Variants in RPAP3 observed in about 807,000 individuals in gnomAD.
RPAP3 encodes the protein RNA polymerase II-associated protein 3.
In RPAP3, 58 loss-of-function variants were observed where a neutral mutation model predicts 88.8. The observed-to-expected ratio is 0.65, with a 90% CI of 0.53 to 0.81. The LOEUF (loss-of-function observed/expected upper bound fraction) is 0.81. Among genes scored for constraint, RPAP3 ranks in the 40% least tolerant of loss-of-function variants. RPAP3 has a pLI of 0.00. For synonymous variants in RPAP3, 255 were observed against 259.9 expected, an observed-to-expected ratio of 0.98 and a Z score of 0.18; for missense variants, 751 against 764.3, an observed-to-expected ratio of 0.98 and a Z score of 0.20.
chr12:47,701,732 G>A lies in RPAP3; in HGVS notation c.154-128C>T, dbSNP rs367775618. ...TTTTTAATTTTAAAGTGTTTAAAAA[G>A]ACCAATTTACCACCTTCACTTATAA... On this transcript the variant is annotated intron_variant, in intron 2 of 16. Coordinates refer to ENST00000005386, the MANE Select transcript of RPAP3 (RefSeq NM_024604.3). 5.5e-4 allele frequency: 359 copies of A among 654,616 alleles called. 2 individuals carry two copies. The African/African-American group carries it at 6.3e-3, about 12-fold the overall frequency. 40.6% of individuals were successfully genotyped at this position (654,616 alleles called of 1,614,324 possible). A position where few individuals can be genotyped will look rare whatever the true frequency, so the allele number is the denominator to read the frequency against.
At chr12:47,697,319 A>G (rs1017729946) in intron 4 of RPAP3, among the ~76,000 whole-genome samples, 1 of 152,184 alleles carries the variant, frequency 6.6e-6, no homozygotes, top group African/African-American at 2.4e-5. Context: ...CTTACTACCC[A>G]TAAGAACCCG....
intron 5 of RPAP3, among the ~76,000 whole-genome samples, chr12:47,694,381 A>G (rs1939483217): frequency 6.6e-6 from 1 of 152,234 alleles, no homozygotes. Context: ...AAACACCTAA[A>G]TGTGAAAAGT....
In RPAP3 at chr12:47,663,345, C is replaced by T. The variant is rs893975270; in HGVS notation, c.*160G>A. On this transcript the variant is annotated 3_prime_UTR_variant, in exon 17 of 17. Transcript: ENST00000005386. ...AAACAGAGTTCACTTGAATACAATTCTCACTAGTTAAATCACAATTCACCT... is the reference window on the plus strand; with the variant it reads ...AAACAGAGTTCACTTGAATACAATTTTCACTAGTTAAATCACAATTCACCT... 1 of 516,340 alleles carries T rather than the reference C, an allele frequency of 1.9e-6. No homozygotes were observed. The highest frequency in any genetic ancestry group is 2.0e-5 in the African/African-American group (1 of 50,402). The allele number at this position is 516,340 out of a possible 1,614,324, so 32.0% of individuals were successfully genotyped here. A position where few individuals can be genotyped will look rare whatever the true frequency, so the allele number is the denominator to read the frequency against.
At position 47,679,539 on chromosome 12, in the gene RPAP3, T is replaced by G. The variant is rs1052879674; in HGVS notation, c.1241A>C (p.Gln414Pro). ...DDVFLDSTQR[Q>P]NVVKPIDNPP... ...ATTATCAATGGGTTTTACCACATTTTGTCTTTGTGTGGAATCAAGAAAGAC... is the reference window on the plus strand; with the variant it reads ...ATTATCAATGGGTTTTACCACATTTGGTCTTTGTGTGGAATCAAGAAAGAC... Residue 414 changes from glutamine (Q) to proline (P), a missense_variant, in exon 12 of 17, where the codon CAA becomes CCA. Transcript: ENST00000005386. 2.5e-6 allele frequency: 4 copies of G among 1,607,002 alleles called. No homozygotes were observed. Among genetic ancestry groups the G allele is most frequent in the South Asian group, 2.2e-5 (2 of 89,318 alleles).
chr12:47,684,892 T>C (rs1939292133), intron 9 of RPAP3, among the ~76,000 whole-genome samples: 1 of 152,176 alleles, frequency 6.6e-6, no homozygotes, highest in South Asian at 2.1e-4. Context: ...ATCTATTACT[T>C]TAAATGAGGT....
intron 2 of RPAP3, among the ~76,000 whole-genome samples, chr12:47,702,224 G>T (rs905726008): frequency 2.0e-5 from 3 of 152,046 alleles, no homozygotes; most frequent in African/African-American, 7.2e-5. Context: ...TTATTACAAA[G>T]ACTTTTTGAA....
At chr12:47,680,680 A>G (rs1939205133) in intron 10 of RPAP3, among the ~76,000 whole-genome samples, 1 of 151,978 alleles carries the variant, frequency 6.6e-6, no homozygotes, top group South Asian at 2.1e-4. Flanking sequence ...CACACACAGG[A>G]GAACCAAGTT....
At chr12:47,683,307 G>T (rs1939261378) in intron 9 of RPAP3, among the ~76,000 whole-genome samples, 1 of 151,800 alleles carries the variant, frequency 6.6e-6, no homozygotes, top group South Asian at 2.1e-4. Context: ...GCAAATTTCG[G>T]GTTTCTTAAA....
Position 47,663,459 on chromosome 12 carries a change from A to G in RPAP3, c.*46T>C, listed in dbSNP as rs748420837. ...AAGCAAAACACTTTCAGTAGAAAAA[A>G]TTTACATATGAAAGTCAAAAACAAT... On this transcript the variant is annotated 3_prime_UTR_variant, in exon 17 of 17. Transcript: ENST00000005386. The G allele has an allele frequency of 7.9e-7, 1 of 1,273,598 alleles. No homozygotes were observed. Among genetic ancestry groups the G allele is most frequent in the South Asian group, 1.3e-5 (1 of 77,530 alleles). The allele number at this position is 1,273,598 out of a possible 1,614,324, so 78.9% of individuals were successfully genotyped here. A position where few individuals can be genotyped will look rare whatever the true frequency, so the allele number is the denominator to read the frequency against.
At chr12:47,691,699 T>C (rs890971798) in intron 5 of RPAP3, among the ~76,000 whole-genome samples, 5 of 152,226 alleles carry the variant, frequency 3.3e-5, no homozygotes, top group African/African-American at 7.2e-5. Flanking sequence ...ATCAGAGATC[T>C]TGGGTGAGTA....
At chr12:47,677,794 T>A (rs947045166) in intron 12 of RPAP3, among the ~76,000 whole-genome samples, 1 of 152,166 alleles carries the variant, frequency 6.6e-6, no homozygotes, top group African/African-American at 2.4e-5. Flanking sequence ...ATAGGAAGAA[T>A]CAATATTGTG....
Position 47,689,201 on chromosome 12 carries a change from TA to T in RPAP3, c.668-7del. 7.9e-7 allele frequency: 1 copy of T among 1,272,466 alleles called. No homozygotes were observed. 78.8% of individuals were successfully genotyped at this position (1,272,466 alleles called of 1,614,324 possible). ...TTCTAATACTCTTTCATAATCTAAG[TA>T]AAAGAGAAGATAAAAAAAATTTTTA... On this transcript the variant is annotated splice_region_variant and splice_polypyrimidine_tract_variant and intron_variant, in intron 6 of 16. Coordinates refer to ENST00000005386, the MANE Select transcript of RPAP3 (RefSeq NM_024604.3).
intron 12 of RPAP3, among the ~76,000 whole-genome samples, chr12:47,675,637 A>G (rs1215381246): frequency 6.6e-6 from 1 of 152,238 alleles, no homozygotes; most frequent in Non-Finnish European, 1.5e-5. Context: ...AAAGATCAAA[A>G]GAGACAAAGA....
At position 47,667,062 on chromosome 12, in the gene RPAP3, G is replaced by A. The variant is rs779723066; in HGVS notation, c.1830C>T (p.Leu610=). 1 of 1,491,180 alleles carries A rather than the reference G, an allele frequency of 6.7e-7. No homozygotes were observed. Among genetic ancestry groups the A allele is most frequent in the Non-Finnish European group, 9.0e-7 (1 of 1,117,190 alleles). 92.4% of individuals were successfully genotyped at this position (1,491,180 alleles called of 1,614,324 possible). The part of the protein sequence containing the change: ...DFYIEKEKPL[L]IFEILQRLSE... ...AAAGTCTTTGTAAGATTTCAAAGAT[G>A]AGTAATGGCTTTTCTTTCCTGAAAT... is the stretch of plus-strand genomic sequence containing the variant. Residue 610 remains leucine, a synonymous_variant, in exon 16 of 17, where the codon CTC becomes CTT. Coordinates refer to ENST00000005386, the MANE Select transcript of RPAP3 (RefSeq NM_024604.3).
chr12:47,696,075 C>G (rs543212701), intron 5 of RPAP3: 1 of 377,584 alleles, frequency 2.6e-6, no homozygotes, highest in Non-Finnish European at 4.6e-6. Context: ...GCTATGGGAA[C>G]AAGGTTTTAG....
intron 9 of RPAP3, among the ~76,000 whole-genome samples, chr12:47,682,887 T>C (rs1454112958): frequency 6.6e-6 from 1 of 152,200 alleles, no homozygotes; most frequent in Non-Finnish European, 1.5e-5. Flanking sequence ...ACTTGCCTGA[T>C]TATATCATTC....
intron 5 of RPAP3, among the ~76,000 whole-genome samples, chr12:47,693,453 G>A (rs1334676257): frequency 6.6e-6 from 1 of 152,156 alleles, no homozygotes; most frequent in Non-Finnish European, 1.5e-5. Context: ...GAGACACAAA[G>A]TAAACACATG....
Position 47,663,296 on chromosome 12 carries a change from T to C in RPAP3, c.*209A>G, listed in dbSNP as rs1421622666. On this transcript the variant is annotated 3_prime_UTR_variant, in exon 17 of 17. Coordinates refer to ENST00000005386, the MANE Select transcript of RPAP3 (RefSeq NM_024604.3). ...TGCTGATCCTTACAAATGTATCTCA[T>C]TGTTTATATTTTTATTTTCAGAAAA... 1 of 408,344 alleles carries C rather than the reference T, an allele frequency of 2.4e-6. No homozygotes were observed. Among genetic ancestry groups the C allele is most frequent in the Non-Finnish European group, 4.3e-6 (1 of 232,064 alleles). The allele number at this position is 408,344 out of a possible 1,614,324, so 25.3% of individuals were successfully genotyped here.
chr12:47,698,662 C>A (rs1939585281), intron 3 of RPAP3, among the ~76,000 whole-genome samples: 1 of 152,120 alleles, frequency 6.6e-6, no homozygotes, highest in Non-Finnish European at 1.5e-5. Flanking sequence ...TATAGGCATG[C>A]ACCACCATGC....
Sources: allele counts gnomAD v4.1 joint callset (sites outside exome capture counted in the v4.1 genomes callset), GRCh38; gene constraint gnomAD v4.1.1; transcripts MANE v1.5; gene names NCBI Gene and HGNC (gene_info 2026-07-23, HGNC 2026-07-21).